Variants in OR6C1 observed in about 807,000 individuals in gnomAD.
OR6C1 encodes olfactory receptor family 6 subfamily C member 1, also known as olfactory receptor 6C1.
For missense variants in OR6C1, 386 were observed against 366.1 expected (o/e 1.05, Z -0.44); for synonymous variants, 157 against 133.3 (o/e 1.18, Z -1.22).
Position 55,320,719 on chromosome 12 carries a change from C to A in OR6C1, c.120C>A (p.Asn40Lys). The A allele has an allele frequency of 6.2e-7, 1 of 1,613,894 alleles. No individual in the cohort carries two copies. Among genetic ancestry groups the A allele is most frequent in the Non-Finnish European group, 8.5e-7 (1 of 1,179,832 alleles). Residue 40 changes from asparagine to lysine, a missense_variant, in exon 2 of 2, where the codon AAC (asparagine) becomes AAA (lysine). Coordinates refer to ENST00000642104, the MANE Select transcript of OR6C1 (RefSeq NM_001005182.2). ...CCTACATGCTCAGCATCACTGGGAA[C>A]CTGACCCTTATCACAATTACCCTGC... Reference protein sequence around the residue: ...LITYMLSITGNLTLITITLLD... With the variant: ...LITYMLSITGKLTLITITLLD...
intron 1 of OR6C1, among the ~76,000 whole-genome samples, chr12:55,315,111 T>A (rs1033561236): frequency 4.0e-5 from 6 of 151,802 alleles, no homozygotes; most frequent in African/African-American, 1.4e-4. Context: ...TAGAACCTAC[T>A]AAATGCTGCA....
chr12:55,314,457 G>T lies in OR6C1; in HGVS notation c.-176G>T, dbSNP rs1868380365. 6.6e-6 allele frequency: 1 copy of T among 151,540 alleles called. No homozygotes were observed. Among genetic ancestry groups the T allele is most frequent in the African/African-American group, 2.4e-5 (1 of 41,364 alleles). The allele number at this position is 151,540 out of a possible 1,614,324, so 9.4% of individuals were successfully genotyped here. ...ATAAAATGGGAAAATTAAGACAAAA[G>T]ATTGAAAATAGGAAGAAAATTTCTT... On this transcript the variant is annotated 5_prime_UTR_variant, in exon 1 of 2. Coordinates refer to ENST00000642104, the MANE Select transcript of OR6C1 (RefSeq NM_001005182.2).
intron 1 of OR6C1, among the ~76,000 whole-genome samples, chr12:55,320,119 T>G (rs1354616409): frequency 6.6e-6 from 1 of 152,036 alleles, no homozygotes; most frequent in Non-Finnish European, 1.5e-5. Context: ...CCAGCCTGGG[T>G]GACAGAGTGA....
rs1565662281 is a variant in OR6C1 at position 55,321,163 on chromosome 12, A to G, written c.564A>G (p.Ser188=). The part of the protein sequence containing the change: ...DYFPLLQLAC[S]DTKFLEVMGF... Reference sequence around the variant, plus strand: ...TTCCACTGCTGCAACTTGCTTGTTCAGACACAAAATTCTTAGAGGTGATGG... The same window carrying G: ...TTCCACTGCTGCAACTTGCTTGTTCGGACACAAAATTCTTAGAGGTGATGG... The change falls in exon 2 of 2, where the codon TCA becomes TCG. Residue 188 remains serine (S), a synonymous_variant. Coordinates refer to ENST00000642104, the MANE Select transcript of OR6C1 (RefSeq NM_001005182.2). 1 of 1,614,008 alleles carries G rather than the reference A, an allele frequency of 6.2e-7. No homozygotes were observed. The highest frequency in any genetic ancestry group is 2.2e-5 in the East Asian group (1 of 44,866).
chr12:55,320,383 T>C (rs1217371990), intron 1 of OR6C1, among the ~76,000 whole-genome samples, 184 bp from the exon 2 acceptor site: 2 of 152,160 alleles, frequency 1.3e-5, no homozygotes, highest in Non-Finnish European at 2.9e-5. Context: ...TTTTAACCTG[T>C]CTTATGTGAA....
At chr12:55,318,263 TG>T (rs1375860218) in intron 1 of OR6C1, among the ~76,000 whole-genome samples, 84 of 125,042 alleles carry the variant, frequency 6.7e-4, no homozygotes, top group African/African-American at 2.2e-3. Context: ...TGTGTGTGTG[TG>T]GTGGTGGTGG....
chr12:55,317,417 T>C (rs1165904643), intron 1 of OR6C1, among the ~76,000 whole-genome samples: 1 of 152,044 alleles, frequency 6.6e-6, no homozygotes, highest in African/African-American at 2.4e-5. Flanking sequence ...TTTTCATATC[T>C]TTTGTTTTAA....
Position 55,321,435 on chromosome 12 carries a change from T to A in OR6C1, c.836T>A (p.Val279Glu). 3.1e-6 allele frequency: 5 copies of A among 1,613,854 alleles called. No individual in the cohort carries two copies. Among genetic ancestry groups the A allele is most frequent in the Non-Finnish European group, 4.2e-6 (5 of 1,179,822 alleles). The change falls in exon 2 of 2, where the codon GTA (valine) becomes GAA (glutamate). Residue 279 changes from valine (V) to glutamate (E), a missense_variant. Coordinates refer to ENST00000642104, the MANE Select transcript of OR6C1 (RefSeq NM_001005182.2). The part of the protein sequence containing the change: ...SKGVAILNTS[V>E]APMMNPFIYS... ...GGAGTGGCAATACTAAACACCTCAG[T>A]AGCCCCCATGATGAACCCCTTTATT... is the stretch of plus-strand genomic sequence containing the variant.
rs752950061 is a variant in OR6C1 at position 55,320,908 on chromosome 12, T to C, written c.309T>C (p.Ile103=). The change falls in exon 2 of 2, where the codon ATT becomes ATC. Residue 103 remains isoleucine, a synonymous_variant. Transcript: ENST00000642104. The part of the protein sequence containing the change: ...NNCIVQLFFF[I]LLGVTEFYLL... Reference sequence around the variant, plus strand: ...GCATAGTTCAGTTATTTTTCTTCATTCTCTTGGGAGTCACAGAGTTTTACC... The same window carrying C: ...GCATAGTTCAGTTATTTTTCTTCATCCTCTTGGGAGTCACAGAGTTTTACC... The C allele has an allele frequency of 6.2e-7, 1 of 1,614,024 alleles. No homozygotes were observed. Among genetic ancestry groups the C allele is most frequent in the Non-Finnish European group, 8.5e-7 (1 of 1,179,922 alleles).
At chr12:55,319,436 G>A (rs1047080255) in intron 1 of OR6C1, among the ~76,000 whole-genome samples, 3 of 152,182 alleles carry the variant, frequency 2.0e-5, no homozygotes, top group African/African-American at 7.2e-5. Context: ...AATACACACA[G>A]ACCAGGTGGT....
At chr12:55,320,482 C>G in intron 1 of OR6C1, 85 bp from the exon 2 acceptor site, 1 of 636,570 alleles carries the variant, frequency 1.6e-6, no homozygotes, top group Non-Finnish European at 2.7e-6. Flanking sequence ...AAATGGCATA[C>G]TATGTCAACC....
At chr12:55,318,748 ATTAAC>A (rs895099452) in intron 1 of OR6C1, among the ~76,000 whole-genome samples, 20 of 151,006 alleles carry the variant, frequency 1.3e-4, no homozygotes, top group African/African-American at 4.3e-4. Flanking sequence ...AGTTAAATAT[ATTAAC>A]TTAATGCTCA....
intron 1 of OR6C1, among the ~76,000 whole-genome samples, chr12:55,317,874 T>C (rs949944565): frequency 2.0e-5 from 3 of 149,366 alleles, no homozygotes; most frequent in Admixed American, 6.7e-5. Context: ...ATTTGGGATG[T>C]CATTACAATG....
chr12:55,318,897 T>C (rs1052982572), intron 1 of OR6C1, among the ~76,000 whole-genome samples: 24 of 151,602 alleles, frequency 1.6e-4, no homozygotes, highest in African/African-American at 5.6e-4. Context: ...CTCTTTTCTA[T>C]GGAAATGTTT....
chr12:55,319,227 C>T (rs1280760479), intron 1 of OR6C1, among the ~76,000 whole-genome samples: 1 of 152,130 alleles, frequency 6.6e-6, no homozygotes, highest in Non-Finnish European at 1.5e-5. Flanking sequence ...ATACTTCTTC[C>T]TCTTCTGTAT....
At position 55,321,063 on chromosome 12, in the gene OR6C1, T is replaced by C; in HGVS notation, c.464T>C (p.Phe155Ser). 6.2e-7 allele frequency: 1 copy of C among 1,613,458 alleles called. No homozygotes were observed. The highest frequency in any genetic ancestry group is 8.5e-7 in the Non-Finnish European group (1 of 1,179,590). The change falls in exon 2 of 2, where the codon TTC becomes TCC. Residue 155 changes from phenylalanine to serine, a missense_variant. Phe to Ser is a radical substitution (Grantham distance 155). Coordinates refer to ENST00000642104, the MANE Select transcript of OR6C1 (RefSeq NM_001005182.2). ...TGGCTGGTTTCATTCTTAATCATAT[T>C]CCCAGCACTCATGTTGCTTTTAAAG... ...TSWLVSFLII[F>S]PALMLLLKLH...
At chr12:55,315,315 G>A (rs1220001331) in intron 1 of OR6C1, among the ~76,000 whole-genome samples, 1 of 151,420 alleles carries the variant, frequency 6.6e-6, no homozygotes, top group East Asian at 1.9e-4. Flanking sequence ...ATAATAAATT[G>A]GCCTTATAGG....
chr12:55,320,767 C>G lies in OR6C1; in HGVS notation c.168C>G (p.Pro56=), dbSNP rs1031547152. ...TGCTGGATTCCCACCTGCAGACCCC[C>G]ATGTATTTCTTCCTCAGAAATTTCT... The part of the protein sequence containing the change: ...ITLLDSHLQT[P]MYFFLRNFSI... The change falls in exon 2 of 2, where the codon CCC becomes CCG. Residue 56 remains proline, a synonymous_variant. Transcript: ENST00000642104. The G allele has an allele frequency of 1.2e-6, 2 of 1,613,978 alleles. No homozygotes were observed. The highest frequency in any genetic ancestry group is 2.7e-5 in the African/African-American group (2 of 74,932).
chr12:55,318,420 C>T (rs1868451765), intron 1 of OR6C1, among the ~76,000 whole-genome samples: 2 of 151,754 alleles, frequency 1.3e-5, no homozygotes, highest in East Asian at 3.9e-4. Flanking sequence ...TGTTATTGTT[C>T]TCATGTGACT....
Sources: allele counts gnomAD v4.1 joint callset (sites outside exome capture counted in the v4.1 genomes callset), GRCh38; gene constraint gnomAD v4.1.1; transcripts MANE v1.5; gene names NCBI Gene and HGNC (gene_info 2026-07-23, HGNC 2026-07-21).